ZBTB7C: variants seen among roughly 807,000 people sequenced by gnomAD.
The protein encoded by ZBTB7C is zinc finger and BTB domain containing 7C.
ZBTB7C carries 8 observed loss-of-function variants against 25.7 expected under a neutral mutation model. The ratio of observed to expected loss-of-function variants is 0.31; its 90% CI spans 0.18 to 0.56. The LOEUF is 0.56. Ranked by LOEUF, ZBTB7C falls within the 20% of genes least tolerant of loss-of-function variation. The probability of loss-of-function intolerance (pLI) is 0.91; values close to 1 mark genes in which losing one functional copy is unlikely to be tolerated. For synonymous variants in ZBTB7C, 394 were observed against 369.0 expected (o/e 1.07, Z -0.78); for missense variants, 824 against 855.2 (o/e 0.96, Z 0.46).
intron 1 of ZBTB7C, among the ~76,000 whole-genome samples, chr18:48,343,323 G>A (rs762909180): frequency 1.3e-5 from 2 of 152,060 alleles, no homozygotes; most frequent in African/African-American, 4.8e-5. Context: ...TCTAAGATTT[G>A]CCCTGTGTTT....
At chr18:48,126,761 A>G (rs1156567527) in intron 3 of ZBTB7C, among the ~76,000 whole-genome samples, 1 of 152,126 alleles carries the variant, frequency 6.6e-6, no homozygotes, top group Non-Finnish European at 1.5e-5. Flanking sequence ...GGTAGGGGCA[A>G]TCCTCTTGGA....
At chr18:48,163,321 T>C (rs905205341) in intron 3 of ZBTB7C, among the ~76,000 whole-genome samples, 2 of 152,242 alleles carry the variant, frequency 1.3e-5, no homozygotes, top group African/African-American at 4.8e-5. Flanking sequence ...ATCTGTAAAA[T>C]AGTGGGCTGG....
At chr18:48,292,390 T>C (rs1432926737) in intron 2 of ZBTB7C, among the ~76,000 whole-genome samples, 1 of 152,166 alleles carries the variant, frequency 6.6e-6, no homozygotes, top group Non-Finnish European at 1.5e-5. Context: ...AGAGTGAGGT[T>C]CGAGCTTAGG....
At chr18:48,204,098 C>CCT (rs1373792720) in intron 2 of ZBTB7C, among the ~76,000 whole-genome samples, 1 of 152,238 alleles carries the variant, frequency 6.6e-6, no homozygotes, top group Non-Finnish European at 1.5e-5. Context: ...CTCTGCAGTG[C>CCT]CTCCCTCCTT....
rs761936842 is a variant in ZBTB7C at position 48,040,126 on chromosome 18, C to T, written c.982G>A (p.Glu328Lys). Residue 328 changes from glutamate (E) to lysine (K), a missense_variant, in exon 4 of 5, where the codon GAG (glutamate) becomes AAG (lysine). Physicochemically the swap from Glu to Lys is moderately conservative, Grantham distance 56. Coordinates refer to ENST00000590800, the MANE Select transcript of ZBTB7C (RefSeq NM_001318841.2). ...TTGAGATAGGCACCGTAGTCGTTCT[C>T]CGCCTTGATGGGTCCCAGAGGCCCC... ...PGGPLGPIKA[E>K]NDYGAYLNFL... 6.3e-7 allele frequency: 1 copy of T among 1,595,048 alleles called. No homozygotes were observed. The highest frequency in any genetic ancestry group is 1.3e-5 in the African/African-American group (1 of 74,514).
chr18:48,300,961 A>T (rs1403005194), intron 2 of ZBTB7C, among the ~76,000 whole-genome samples: 1 of 152,258 alleles, frequency 6.6e-6, no homozygotes, highest in Non-Finnish European at 1.5e-5. Context: ...GTTTTCAGAA[A>T]GTAAAAGACA....
At chr18:48,172,591 T>C (rs901610845) in intron 3 of ZBTB7C, among the ~76,000 whole-genome samples, 7 of 152,200 alleles carry the variant, frequency 4.6e-5, no homozygotes, top group Non-Finnish European at 1.0e-4. Context: ...TGCACACTTA[T>C]TTTTCCCAAA....
rs549403403 is a variant in ZBTB7C at position 48,157,919 on chromosome 18, T to C, written c.-17+28015A>G. Among the ~76,000 whole-genome samples the C allele has an allele frequency of 5.9e-5, 9 of 152,192 alleles. 1 individual carries two copies. In the South Asian group the frequency reaches 1.9e-3, roughly 32 times the overall value. On this transcript the variant is annotated intron_variant, in intron 3 of 4. Transcript: ENST00000590800. ...TCCTGTGGGAGAAATTCAATCCCAC[T>C]CAATATCAACTAAGGGTGGTCATTT...
chr18:48,270,315 T>G (rs1384424872), intron 2 of ZBTB7C, among the ~76,000 whole-genome samples: 1 of 138,514 alleles, frequency 7.2e-6, no homozygotes, highest in South Asian at 2.5e-4. Flanking sequence ...TGGAGTGCAG[T>G]GGTGCGATCT....
chr18:48,389,230 CTCTCTCGTGTGTGTGTGTGTGTGTGT>C (rs1464700629), intron 1 of ZBTB7C, among the ~76,000 whole-genome samples: 71 of 78,822 alleles, frequency 9.0e-4, no homozygotes, highest in African/African-American at 3.5e-3. Flanking sequence ...CTCTCTCTCT[CTCTCTCGTGTGTGTGTGTGTGTGTGT>C]GTGTGTGTGT....
At chr18:48,182,311 A>G (rs1278428063) in intron 3 of ZBTB7C, among the ~76,000 whole-genome samples, 1 of 152,202 alleles carries the variant, frequency 6.6e-6, no homozygotes, top group African/African-American at 2.4e-5. Flanking sequence ...GAAAGAAGGG[A>G]GCTTGCTTGC....
chr18:48,366,352 G>A (rs1409351774), intron 1 of ZBTB7C, among the ~76,000 whole-genome samples: 3 of 152,186 alleles, frequency 2.0e-5, no homozygotes, highest in Non-Finnish European at 2.9e-5. Flanking sequence ...GAAGAAAAAT[G>A]TGAAAGACTA....
chr18:48,132,539 T>C (rs1228696094), intron 3 of ZBTB7C, among the ~76,000 whole-genome samples: 3 of 152,258 alleles, frequency 2.0e-5, no homozygotes, highest in Non-Finnish European at 4.4e-5. Context: ...CCATTGAATT[T>C]ACACTTTAAA....
At chr18:48,052,601 T>C (rs912774767) in intron 3 of ZBTB7C, among the ~76,000 whole-genome samples, 2 of 152,042 alleles carry the variant, frequency 1.3e-5, no homozygotes, top group African/African-American at 4.8e-5. Context: ...GAGGGGGCCA[T>C]AGTTGGAGCA....
intron 3 of ZBTB7C, among the ~76,000 whole-genome samples, chr18:48,103,110 TA>T (rs914430913): frequency 1.4e-4 from 9 of 62,364 alleles, no homozygotes; most frequent in Non-Finnish European, 2.4e-4. Flanking sequence ...ATATATTTTA[TA>T]TTATCTATCT....
intron 3 of ZBTB7C, among the ~76,000 whole-genome samples, chr18:48,153,153 A>G (rs960573007): frequency 2.0e-4 from 30 of 152,374 alleles, no homozygotes; most frequent in African/African-American, 5.8e-4. Flanking sequence ...CTTTAAAGGC[A>G]TAGGGAGGCA....
chr18:48,352,668 A>G (rs1248298758), intron 1 of ZBTB7C, among the ~76,000 whole-genome samples: 1 of 152,168 alleles, frequency 6.6e-6, no homozygotes, highest in Non-Finnish European at 1.5e-5. Flanking sequence ...GGTCCAGAAG[A>G]TGAAAGTATG....
intron 2 of ZBTB7C, among the ~76,000 whole-genome samples, chr18:48,336,873 C>T (rs985327628): frequency 1.3e-5 from 2 of 152,120 alleles, no homozygotes; most frequent in Non-Finnish European, 2.9e-5. Flanking sequence ...TGGGGATAGC[C>T]TAGGGCCAGT....
chr18:48,220,708 A>G (rs377128550), intron 2 of ZBTB7C, among the ~76,000 whole-genome samples: 1 of 152,290 alleles, frequency 6.6e-6, no homozygotes, highest in African/African-American at 2.4e-5. Flanking sequence ...AAAACTTCTT[A>G]CATGCCAAGT....
Sources: allele counts gnomAD v4.1 joint callset (sites outside exome capture counted in the v4.1 genomes callset), GRCh38; gene constraint gnomAD v4.1.1; transcripts MANE v1.5; gene names NCBI Gene and HGNC (gene_info 2026-07-23, HGNC 2026-07-21).